Variants in SBF2 observed in about 807,000 individuals in gnomAD.
SBF2 encodes SET binding factor 2.
Under a neutral mutation model 225.2 loss-of-function variants are expected in SBF2, and 112 were observed. The observed-to-expected ratio is 0.50, with a 90% CI of 0.43 to 0.58. The LOEUF is 0.58. Among genes scored for constraint, SBF2 ranks in the 20% least tolerant of loss-of-function variants. The pLI is 0.00. For synonymous variants in SBF2, 763 were observed against 773.3 expected (o/e 0.99, Z 0.22); for missense variants, 1,996 against 2,206.2 (o/e 0.90, Z 1.91).
chr11:9,955,533 C>T (rs952763423), intron 16 of SBF2, among the ~76,000 whole-genome samples: 4 of 151,906 alleles, frequency 2.6e-5, no homozygotes, highest in Non-Finnish European at 4.4e-5. Flanking sequence ...TGATTTTTGC[C>T]ATTATAAAGT....
intron 12 of SBF2, 140 bp from the exon 13 acceptor site, chr11:9,989,735 G>T: frequency 1.6e-6 from 1 of 609,292 alleles, no homozygotes; most frequent in South Asian, 2.1e-5. Flanking sequence ...AGGTTTTGGG[G>T]TTTCACCTCC....
chr11:9,809,318 ATG>A, intron 30 of SBF2: 2 of 279,040 alleles, frequency 7.2e-6, no homozygotes, highest in Non-Finnish European at 6.9e-6. Context: ...CAACAACAAA[ATG>A]ACACTTCAAA....
At chr11:10,209,162 T>C (rs1217699638) in intron 1 of SBF2, among the ~76,000 whole-genome samples, 1 of 152,234 alleles carries the variant, frequency 6.6e-6, no homozygotes, top group East Asian at 1.9e-4. Flanking sequence ...AAAGGAGAAG[T>C]TACAAAAATC....
intron 13 of SBF2, among the ~76,000 whole-genome samples, chr11:9,970,207 C>G (rs1867236053): frequency 6.6e-6 from 1 of 151,484 alleles, no homozygotes; most frequent in Admixed American, 6.6e-5. Flanking sequence ...TCCCATATAT[C>G]CTATTTTTTT....
chr11:9,922,079 T>A (rs769756670), intron 16 of SBF2, among the ~76,000 whole-genome samples: 1 of 151,972 alleles, frequency 6.6e-6, no homozygotes. Flanking sequence ...GGACTCCGAT[T>A]GTACAAAAAA....
chr11:10,095,679 T>C (rs1333950463), intron 2 of SBF2, among the ~76,000 whole-genome samples: 1 of 152,182 alleles, frequency 6.6e-6, no homozygotes, highest in Non-Finnish European at 1.5e-5. Flanking sequence ...AAAAGAAAGT[T>C]CCATGAGGAT....
chr11:10,292,233 T>C (rs1218308048), intron 1 of SBF2, among the ~76,000 whole-genome samples: 1 of 152,230 alleles, frequency 6.6e-6, no homozygotes, highest in Non-Finnish European at 1.5e-5. Flanking sequence ...TATTACACTG[T>C]GATCATGTAG....
chr11:9,866,794 C>T (rs1294523965), intron 17 of SBF2, among the ~76,000 whole-genome samples: 2 of 152,246 alleles, frequency 1.3e-5, no homozygotes, highest in South Asian at 4.1e-4. Flanking sequence ...AAAGAAACAA[C>T]ATACAAAATG....
At chr11:10,015,496 T>C (rs924925901) in intron 6 of SBF2, among the ~76,000 whole-genome samples, 2 of 152,194 alleles carry the variant, frequency 1.3e-5, no homozygotes, top group Non-Finnish European at 2.9e-5. Context: ...CAAAGTTGAC[T>C]ATGAGCAGTC....
At chr11:9,973,132 T>C (rs948146726) in intron 13 of SBF2, among the ~76,000 whole-genome samples, 1 of 152,168 alleles carries the variant, frequency 6.6e-6, no homozygotes, top group Non-Finnish European at 1.5e-5. Flanking sequence ...TGAACCTAAC[T>C]TGGTCGCGAA....
chr11:10,270,096 AATTT>A (rs1409205763), intron 1 of SBF2, among the ~76,000 whole-genome samples: 7 of 152,192 alleles, frequency 4.6e-5, no homozygotes, highest in African/African-American at 1.2e-4. Flanking sequence ...TTAACTGATA[AATTT>A]ATTTACTTTA....
chr11:10,012,275 A>G (rs540407703), intron 6 of SBF2, among the ~76,000 whole-genome samples: 1 of 152,110 alleles, frequency 6.6e-6, no homozygotes, highest in Non-Finnish European at 1.5e-5. Context: ...CTTCCTGCAT[A>G]GCTGGGACTA....
chr11:9,894,372 C>T (rs993635388), intron 17 of SBF2, among the ~76,000 whole-genome samples: 5 of 152,194 alleles, frequency 3.3e-5, no homozygotes, highest in African/African-American at 4.8e-5. Flanking sequence ...CAAAAATTAG[C>T]TGGGTGTGGT....
chr11:10,017,035 A>G (rs376167826), intron 6 of SBF2: 20 of 152,232 alleles, frequency 1.3e-4, no homozygotes, highest in African/African-American at 4.3e-4. Flanking sequence ...AGTGATAATT[A>G]CTAGCGATTT....
chr11:9,782,606 C>T lies in SBF2; in HGVS notation c.5320-968G>A, dbSNP rs1480646557. Among the ~76,000 whole-genome samples the T allele has an allele frequency of 2.6e-5, 4 of 152,282 alleles. No homozygotes were observed. In the East Asian group the frequency reaches 5.8e-4, roughly 22 times the overall value. Reference sequence around the variant, plus strand: ...TCTTTCCAGGCCGGGCACGGTTGCTCATGCCTGTAATCCTAACACTTTGGG... The same window carrying T: ...TCTTTCCAGGCCGGGCACGGTTGCTTATGCCTGTAATCCTAACACTTTGGG... On this transcript the variant is annotated intron_variant, in intron 38 of 39. Transcript: ENST00000256190.
chr11:10,008,411 A>G (rs1032078058), intron 6 of SBF2, among the ~76,000 whole-genome samples: 3 of 152,182 alleles, frequency 2.0e-5, no homozygotes, highest in African/African-American at 7.2e-5. Flanking sequence ...ACTGGGCCCC[A>G]ATACCCCTAT....
chr11:9,959,041 A>C, intron 16 of SBF2: 1 of 1,457,942 alleles, frequency 6.9e-7, no homozygotes. Flanking sequence ...CTTGGTGCTA[A>C]TGTTGGTATG....
At chr11:10,083,021 T>A (rs921028529) in intron 2 of SBF2, among the ~76,000 whole-genome samples, 5 of 152,156 alleles carry the variant, frequency 3.3e-5, no homozygotes, top group African/African-American at 1.2e-4. Flanking sequence ...GATAAATGAA[T>A]TCATTAAAGT....
At chr11:10,236,258 C>T (rs897040245) in intron 1 of SBF2, among the ~76,000 whole-genome samples, 1 of 152,094 alleles carries the variant, frequency 6.6e-6, no homozygotes, top group Non-Finnish European at 1.5e-5. Flanking sequence ...TTGAGACTAG[C>T]CTGGGCAACA....
Sources: gnomAD v4.1 joint callset for allele counts (sites outside exome capture counted in the v4.1 genomes callset) on GRCh38, gnomAD v4.1.1 for gene constraint, MANE v1.5 for transcripts, NCBI Gene and HGNC (gene_info 2026-07-23, HGNC 2026-07-21) for gene names.